The following RCC1 variants were observed in gnomAD, a reference collection of about 807,000 sequenced individuals.
RCC1 encodes the protein regulator of chromosome condensation.
Under a neutral mutation model 44.4 loss-of-function variants are expected in RCC1, and 11 were observed. That is an observed-to-expected ratio of 0.25 (90% CI 0.16 to 0.41). The LOEUF (loss-of-function observed/expected upper bound fraction) is 0.41. Ranked by LOEUF, RCC1 falls within the 10% of genes least tolerant of loss-of-function variation. The pLI, the probability that RCC1 is intolerant of heterozygous loss-of-function variation, is 1.00. For synonymous variants in RCC1, 213 were observed against 216.5 expected (o/e 0.98, Z 0.14); for missense variants, 386 against 547.1 (o/e 0.71, Z 2.94).
chr1:28,523,607 T>A (rs1244403311), intron 4 of RCC1, among the ~76,000 whole-genome samples: 1 of 152,168 alleles, frequency 6.6e-6, no homozygotes, highest in Non-Finnish European at 1.5e-5. Context: ...TGTGTCTGAC[T>A]CCATTCCGGG....
Position 28,538,595 on chromosome 1 carries a change from AC to A in RCC1, c.*590del, listed in dbSNP as rs1664702694. On this transcript the variant is annotated 3_prime_UTR_variant, in exon 13 of 13. Transcript: ENST00000683442. ...ACAAAAAAGAACGATCCTCCACTTG[AC>A]CAAGAAAAAAGTGATTCTCCCAGAA... 6.6e-6 allele frequency: 1 copy of A among 152,282 alleles called. No individual in the cohort carries two copies. Among genetic ancestry groups the A allele is most frequent in the African/African-American group, 2.4e-5 (1 of 41,450 alleles). 9.4% of individuals were successfully genotyped at this position (152,282 alleles called of 1,614,324 possible).
chr1:28,532,877 G>A (rs560051997), intron 7 of RCC1: 104 of 344,058 alleles, frequency 3.0e-4, no homozygotes, highest in South Asian at 1.8e-3. Flanking sequence ...GTGCAATAGC[G>A]CAATCTTGGC....
chr1:28,506,498 T>C (rs970630114), intron 1 of RCC1: 6 of 321,992 alleles, frequency 1.9e-5, no homozygotes, highest in African/African-American at 9.0e-5. Flanking sequence ...AATCATGTAA[T>C]TTAAAACTAT....
chr1:28,527,707 TAAA>T lies in RCC1; in HGVS notation c.-9-2148_-9-2146del, dbSNP rs1390975290. On this transcript the variant is annotated intron_variant, in intron 4 of 12. Coordinates refer to ENST00000683442, the MANE Select transcript of RCC1 (RefSeq NM_001381865.2). ...ATGTTTTAATTTTTTACAACAGACT[TAAA>T]AATTTTTTAAATACATGTGGCCAGG... Among the ~76,000 whole-genome samples the T allele has an allele frequency of 2.0e-5, 3 of 152,116 alleles. No homozygotes were observed. The East Asian group carries it at 5.8e-4, about 29-fold the overall frequency.
At chr1:28,531,333 C>G (rs999140192) in intron 5 of RCC1, among the ~76,000 whole-genome samples, 3 of 141,264 alleles carry the variant, frequency 2.1e-5, no homozygotes, top group Non-Finnish European at 4.5e-5. Context: ...GTGGCACGAT[C>G]TTGGCTCACT....
At position 28,534,849 on chromosome 1, in the gene RCC1, C is replaced by T. The variant is rs545140303; in HGVS notation, c.442-201C>T. Among the ~76,000 whole-genome samples, 48 of 152,362 alleles carry T rather than the reference C, an allele frequency of 3.2e-4. 4 individuals are homozygous for T. The South Asian group carries it at 9.7e-3, about 31-fold the overall frequency. On this transcript the variant is annotated intron_variant, in intron 7 of 12. Coordinates refer to ENST00000683442, the MANE Select transcript of RCC1 (RefSeq NM_001381865.2). ...TCAGCTTGTGGCCAGACTTGTTTAT[C>T]TCTATTTGCATCCGCTCTCTGACTC...
intron 4 of RCC1, chr1:28,527,346 C>T: frequency 2.0e-6 from 1 of 498,262 alleles, no homozygotes; most frequent in Non-Finnish European, 3.7e-6. Context: ...CTCACGCCAT[C>T]CTCCCACCTC....
intron 4 of RCC1, among the ~76,000 whole-genome samples, chr1:28,523,633 C>G (rs1570192084): frequency 6.6e-6 from 1 of 152,178 alleles, no homozygotes; most frequent in African/African-American, 2.4e-5. Flanking sequence ...CTCATGGCAG[C>G]CCAGCCATCA....
intron 12 of RCC1, among the ~76,000 whole-genome samples, chr1:28,537,383 C>G: frequency 6.6e-6 from 1 of 152,136 alleles, no homozygotes; most frequent in East Asian, 1.9e-4. Context: ...AGGGGGATAG[C>G]CATGGAGGTC....
In RCC1 at chr1:28,526,279, G is replaced by T. The variant is rs1241590132; in HGVS notation, c.-9-3579G>T. Reference sequence around the variant, plus strand: ...GAGCCTGGGCAACAGAGAGTGAGATGCTGTCTCAAAAAAACAAACAAACAA... The same window carrying T: ...GAGCCTGGGCAACAGAGAGTGAGATTCTGTCTCAAAAAAACAAACAAACAA... On this transcript the variant is annotated intron_variant, in intron 4 of 12. Transcript: ENST00000683442. 1.3e-5 allele frequency: 3 copies of T among 231,374 alleles called. No homozygotes were observed. The East Asian group carries it at 2.9e-4, about 22-fold the overall frequency. The allele number at this position is 231,374 out of a possible 1,614,324, so 14.3% of individuals were successfully genotyped here.
rs577504060 is a variant in RCC1 at position 28,513,595 on chromosome 1, T to A, written c.-152-3130T>A. 1.6e-4 allele frequency among the ~76,000 whole-genome samples: 25 copies of A among 152,236 alleles called. No homozygotes were observed. In the South Asian group the frequency reaches 3.5e-3, roughly 21 times the overall value. ...TGTTTAGGCTATTTACTTTTTTTTT[T>A]TAAGACAGGGTCTCACTCTGTCACC... On this transcript the variant is annotated intron_variant, in intron 3 of 12. Coordinates refer to ENST00000683442, the MANE Select transcript of RCC1 (RefSeq NM_001381865.2).
chr1:28,506,291 T>G (rs1165622829), intron 1 of RCC1: 6 of 445,700 alleles, frequency 1.3e-5, no homozygotes, highest in Non-Finnish European at 2.7e-5. Context: ...TTCAAGCGAT[T>G]CTCGTGCCTC....
At position 28,536,998 on chromosome 1, in the gene RCC1, G is replaced by C; in HGVS notation, c.1090+99G>C. The stretch of plus-strand genomic sequence containing the variant: ...TGTGATGTCCACTCTCGGGGGAGCC[G>C]AGGTACAGAGAGCAGTGTTTGTGAT... On this transcript the variant is annotated intron_variant, in intron 12 of 12. Coordinates refer to ENST00000683442, the MANE Select transcript of RCC1 (RefSeq NM_001381865.2). The surrounding 1 kb of genome is among the most constrained non-coding windows in gnomAD (Gnocchi z 4.9). 6 of 1,314,482 alleles carry C rather than the reference G, an allele frequency of 4.6e-6. No individual in the cohort carries two copies. The highest frequency in any genetic ancestry group is 6.4e-6 in the Non-Finnish European group (6 of 944,570). The allele number at this position is 1,314,482 out of a possible 1,614,324, so 81.4% of individuals were successfully genotyped here.
rs112223650 is a variant in RCC1 at position 28,507,633 on chromosome 1, C to T, written c.-261-495C>T. On this transcript the variant is annotated intron_variant, in intron 1 of 12. Transcript: ENST00000683442. ...TTTTTTTTTTTTTTGGAGATGGAGT[C>T]GCTCTGTTGCCCAGGCTGGAGTGCA... is the stretch of plus-strand genomic sequence containing the variant. 1.9e-3 allele frequency: 831 copies of T among 435,226 alleles called. 12 individuals carry two copies. Among genetic ancestry groups the T allele is most frequent in the Middle Eastern group, 3.5e-3 (4 of 1,142 alleles). 27.0% of individuals were successfully genotyped at this position (435,226 alleles called of 1,614,324 possible).
rs373848242 is a variant in RCC1, at chr1:28,533,402, C to T, written c.441+1052C>T. Among the ~76,000 whole-genome samples, 26 of 149,936 alleles carry T rather than the reference C, an allele frequency of 1.7e-4. No homozygotes were observed. In the South Asian group the frequency reaches 2.5e-3, roughly 15 times the overall value. ...AGGAGAATGGCTTGAACCCGGGAGGCGGAGCTTGCAGTGAGCCAAGATCGC... is the reference window on the plus strand; with the variant it reads ...AGGAGAATGGCTTGAACCCGGGAGGTGGAGCTTGCAGTGAGCCAAGATCGC... On this transcript the variant is annotated intron_variant, in intron 7 of 12. Coordinates refer to ENST00000683442, the MANE Select transcript of RCC1 (RefSeq NM_001381865.2).
At position 28,530,611 on chromosome 1, in the gene RCC1, A is replaced by G. The variant is rs550080682; in HGVS notation, c.73+672A>G. 83 of 1,603,076 alleles carry G rather than the reference A, an allele frequency of 5.2e-5. 3 individuals carry two copies. In the Middle Eastern group the frequency reaches 5.7e-3, roughly 111 times the overall value. On this transcript the variant is annotated intron_variant, in intron 5 of 12. Transcript: ENST00000683442. Reference sequence around the variant, plus strand: ...CGAGCCCTCCTGACCAGAAAACCCGACCAGGTGGCTCCGCGCCCGGGGCGC... The same window carrying G: ...CGAGCCCTCCTGACCAGAAAACCCGGCCAGGTGGCTCCGCGCCCGGGGCGC...
At chr1:28,528,494 G>C (rs1188026773) in intron 4 of RCC1, among the ~76,000 whole-genome samples, 1 of 152,090 alleles carries the variant, frequency 6.6e-6, no homozygotes. Context: ...AGGGCATGGT[G>C]ATGCACACCT....
chr1:28,535,132 TA>T lies in RCC1; in HGVS notation c.527del (p.Lys176ArgfsTer10). ...PVQVQLDVPVVKVASGNDHLV... is the reference protein window; with the variant it reads ...PVQVQLDVPVXKVASGNDHLV... ...CAGGTGCAGCTGGATGTGCCTGTGG[TA>T]AAGGTGGCCTCAGGTGGGTCTGGGG... is the stretch of plus-strand genomic sequence containing the variant. On this transcript the variant is annotated frameshift_variant, in exon 8 of 13. Transcript: ENST00000683442. LOFTEE classifies it high-confidence loss of function. 6.2e-7 allele frequency: 1 copy of T among 1,614,114 alleles called. No homozygotes were observed.
At chr1:28,533,840 CTTTTCTTTTTTTTTTTTTTTTTT>C (rs1664353036) in intron 7 of RCC1, among the ~76,000 whole-genome samples, 5 of 32,670 alleles carry the variant, frequency 1.5e-4, no homozygotes, top group African/African-American at 4.2e-4. Context: ...CTTTTCTTTT[CTTTTCTTTTTTTTTTTTTTTTTT>C]TTTTTTTTTT....
Sources: allele counts gnomAD v4.1 joint callset (sites outside exome capture counted in the v4.1 genomes callset), GRCh38; gene constraint gnomAD v4.1.1; non-coding constraint Gnocchi (gnomAD v3.1); transcripts MANE v1.5; gene names NCBI Gene and HGNC (gene_info 2026-07-23, HGNC 2026-07-21).